Variants in SMAP1 observed in about 807,000 individuals in gnomAD.
SMAP1 encodes small ArfGAP 1.
A neutral mutation model predicts 58.5 loss-of-function variants in SMAP1; 24 were observed. That is an observed-to-expected ratio of 0.41 (90% CI 0.30 to 0.58). SMAP1 has a LOEUF of 0.58. SMAP1 is among the 20% of genes least tolerant of loss of function. The pLI, the probability that SMAP1 is intolerant of heterozygous loss-of-function variation, is 0.29. For synonymous variants in SMAP1, 216 were observed against 196.6 expected (o/e 1.10, Z -0.82); for missense variants, 563 against 566.3 (o/e 0.99, Z 0.06).
At chr6:70,717,336 G>A (rs538226817) in intron 1 of SMAP1, among the ~76,000 whole-genome samples, 2 of 152,250 alleles carry the variant, frequency 1.3e-5, no homozygotes, top group South Asian at 2.1e-4. Context: ...GAAAACTCAC[G>A]AATACCAAGA....
chr6:70,853,893 A>G (rs759988871), intron 8 of SMAP1, among the ~76,000 whole-genome samples: 2 of 152,228 alleles, frequency 1.3e-5, no homozygotes, highest in African/African-American at 2.4e-5. Flanking sequence ...ATTTATTTTT[A>G]GTCTAGCATT....
At chr6:70,826,217 G>T (rs1012424949) in intron 6 of SMAP1, among the ~76,000 whole-genome samples, 3 of 152,136 alleles carry the variant, frequency 2.0e-5, no homozygotes, top group African/African-American at 4.8e-5. Context: ...TGAATAATAA[G>T]AAACTTTTTA....
chr6:70,807,408 T>C (rs1417031092), intron 6 of SMAP1, among the ~76,000 whole-genome samples: 1 of 152,242 alleles, frequency 6.6e-6, no homozygotes, highest in Non-Finnish European at 1.5e-5. Flanking sequence ...ATGCTTAAGA[T>C]ATACCAGTAG....
At chr6:70,727,642 C>T (rs886885309) in intron 1 of SMAP1, among the ~76,000 whole-genome samples, 1 of 152,182 alleles carries the variant, frequency 6.6e-6, no homozygotes, top group African/African-American at 2.4e-5. Context: ...TAAATTGGAT[C>T]TAGAAAACTC....
At chr6:70,725,304 G>A (rs537840649) in intron 1 of SMAP1, among the ~76,000 whole-genome samples, 23 of 151,798 alleles carry the variant, frequency 1.5e-4, no homozygotes, top group African/African-American at 5.3e-4. Flanking sequence ...TTTTAGTAGA[G>A]ACGGGGTTTC....
chr6:70,804,402 G>T (rs571209437), intron 6 of SMAP1, among the ~76,000 whole-genome samples: 1 of 151,596 alleles, frequency 6.6e-6, no homozygotes, highest in South Asian at 2.1e-4. Flanking sequence ...AGGTGAGATG[G>T]GTCTCCTGAA....
At chr6:70,774,061 A>G (rs978018280) in intron 4 of SMAP1, among the ~76,000 whole-genome samples, 1 of 152,226 alleles carries the variant, frequency 6.6e-6, no homozygotes, top group Non-Finnish European at 1.5e-5. Context: ...AGAATTGCCT[A>G]CAGTATTCAC....
At chr6:70,768,288 T>C (rs1767096032) in intron 3 of SMAP1, among the ~76,000 whole-genome samples, 1 of 152,242 alleles carries the variant, frequency 6.6e-6, no homozygotes, top group South Asian at 2.1e-4. Context: ...GAGGATTCCC[T>C]CTTTTTCTAT....
At chr6:70,837,053 C>G in intron 7 of SMAP1, 25 bp downstream of exon 7, 1 of 1,499,206 alleles carries the variant, frequency 6.7e-7, no homozygotes, top group Non-Finnish European at 9.0e-7. Context: ...ATAAAAGTCA[C>G]TGCTGGAGTT....
At chr6:70,844,164 G>T (rs931816171) in intron 7 of SMAP1, among the ~76,000 whole-genome samples, 1 of 152,122 alleles carries the variant, frequency 6.6e-6, no homozygotes, top group African/African-American at 2.4e-5. Context: ...AAGAAATTTG[G>T]TTATACAATC....
intron 1 of SMAP1, among the ~76,000 whole-genome samples, chr6:70,718,589 A>G (rs551571424): frequency 2.6e-5 from 4 of 152,272 alleles, no homozygotes; most frequent in East Asian, 1.9e-4. Context: ...TGGGAGGCCA[A>G]GGCGGGTGAA....
intron 4 of SMAP1, among the ~76,000 whole-genome samples, chr6:70,787,062 A>G (rs1436954322): frequency 6.6e-6 from 1 of 152,212 alleles, no homozygotes; most frequent in African/African-American, 2.4e-5. Flanking sequence ...CTACAAGGCT[A>G]CAGTAACCAA....
At chr6:70,789,765 A>C (rs1332693968) in intron 4 of SMAP1, among the ~76,000 whole-genome samples, 1 of 151,276 alleles carries the variant, frequency 6.6e-6, no homozygotes, top group Non-Finnish European at 1.5e-5. Context: ...CTGAAATGAA[A>C]AAGGTTTTTA....
intron 9 of SMAP1, chr6:70,857,365 G>T (rs527958939): frequency 5.4e-6 from 1 of 184,756 alleles, no homozygotes; most frequent in South Asian, 1.7e-4. Context: ...TTCTCTGCAG[G>T]TAAACAGTCT....
intron 1 of SMAP1, among the ~76,000 whole-genome samples, chr6:70,712,530 G>C (rs1052504952): frequency 6.6e-6 from 1 of 152,166 alleles, no homozygotes; most frequent in Non-Finnish European, 1.5e-5. Context: ...TCTTCTTTGA[G>C]TGTTTGGTAG....
Position 70,857,942 on chromosome 6 carries a change from A to G in SMAP1, c.982A>G (p.Asn328Asp), listed in dbSNP as rs1319810904. 2.5e-6 allele frequency: 4 copies of G among 1,614,060 alleles called. No individual in the cohort carries two copies. The South Asian group carries it at 3.3e-5, about 13-fold the overall frequency. The change falls in exon 10 of 11, where the codon AAT becomes GAT. Residue 328 changes from asparagine to aspartate, a missense_variant. Transcript: ENST00000370455. Reference protein sequence around the residue: ...STPGVFMGPTNIPFTSQAPAA... With the variant: ...STPGVFMGPTDIPFTSQAPAA... ...TGCAGGTGTATTTATGGGACCCACAAATATACCATTTACCTCACAAGCACC... is the reference window on the plus strand; with the variant it reads ...TGCAGGTGTATTTATGGGACCCACAGATATACCATTTACCTCACAAGCACC...
intron 6 of SMAP1, among the ~76,000 whole-genome samples, chr6:70,819,062 C>G (rs1462032170): frequency 1.3e-5 from 2 of 152,098 alleles, no homozygotes; most frequent in Non-Finnish European, 2.9e-5. Flanking sequence ...AACCACTAAT[C>G]TTTCTGTCTC....
At chr6:70,813,732 T>A (rs1769491110) in intron 6 of SMAP1, among the ~76,000 whole-genome samples, 1 of 149,968 alleles carries the variant, frequency 6.7e-6, no homozygotes, top group Admixed American at 6.7e-5. Context: ...TTTAAAAAAA[T>A]ATTTTAAATG....
At chr6:70,713,715 C>A (rs894653157) in intron 1 of SMAP1, among the ~76,000 whole-genome samples, 12 of 152,088 alleles carry the variant, frequency 7.9e-5, no homozygotes, top group Admixed American at 2.6e-4. Flanking sequence ...AATGTATATT[C>A]TTCTGTTGAG....
Sources: allele counts gnomAD v4.1 joint callset (sites outside exome capture counted in the v4.1 genomes callset), GRCh38; gene constraint gnomAD v4.1.1; transcripts MANE v1.5; gene names NCBI Gene and HGNC (gene_info 2026-07-23, HGNC 2026-07-21).